Variants in HFM1 observed in about 807,000 individuals in gnomAD.
HFM1 encodes the protein helicase for meiosis 1, also known as probable ATP-dependent DNA helicase HFM1.
A neutral mutation model predicts 192.1 loss-of-function variants in HFM1; 169 were observed. That is an observed-to-expected ratio of 0.88 (90% confidence interval 0.78 to 1.00). The LOEUF is 1.00. Ranked by LOEUF, HFM1 falls within the 50% of genes least tolerant of loss-of-function variation. The pLI, the probability that HFM1 is intolerant of heterozygous loss-of-function variation, is 0.00. For synonymous variants in HFM1, 525 were observed against 537.8 expected (o/e 0.98, Z 0.33); for missense variants, 1,661 against 1,668.0 (o/e 1.00, Z 0.07).
At chr1:91,262,437 T>C in intron 37 of HFM1, 44 bp downstream of exon 37, 4 of 1,574,620 alleles carry the variant, frequency 2.5e-6, no homozygotes, top group Non-Finnish European at 3.5e-6. Flanking sequence ...GTTTAAGCAC[T>C]CGGGCAAAAT....
chr1:91,350,536 C>T (rs1183435643), intron 18 of HFM1, among the ~76,000 whole-genome samples: 1 of 151,826 alleles, frequency 6.6e-6, no homozygotes, highest in African/African-American at 2.4e-5. Flanking sequence ...TGATTTCAAA[C>T]CTTGTTGAAA....
chr1:91,270,534 G>A (rs1430808938), intron 34 of HFM1, among the ~76,000 whole-genome samples: 1 of 151,344 alleles, frequency 6.6e-6, no homozygotes, highest in Non-Finnish European at 1.5e-5. Context: ...ACACGGGCTT[G>A]GGTGATACTG....
At chr1:91,278,604 C>T (rs1441242838) in intron 30 of HFM1, among the ~76,000 whole-genome samples, 1 of 152,140 alleles carries the variant, frequency 6.6e-6, no homozygotes, top group Non-Finnish European at 1.5e-5. Context: ...TCTTCATTTT[C>T]GGTACCATTG....
At chr1:91,277,897 G>GC (rs1241428126) in intron 30 of HFM1, among the ~76,000 whole-genome samples, 556 of 37,696 alleles carry the variant, frequency 0.015, 16 homozygotes, top group Admixed American at 0.03. Context: ...TATTATATAT[G>GC]CTTATATATA....
In HFM1 at chr1:91,343,509, TTC is replaced by T. The variant is rs768273297; in HGVS notation, c.2255-1_2255del. 2.4e-6 allele frequency: 3 copies of T among 1,240,458 alleles called. No homozygotes were observed. Among genetic ancestry groups the T allele is most frequent in the African/African-American group, 3.0e-5 (2 of 65,654 alleles). 76.8% of individuals were successfully genotyped at this position (1,240,458 alleles called of 1,614,324 possible). The stretch of plus-strand genomic sequence containing the variant: ...AATCATTCAGATTCTTCAAACATAA[TTC>T]TGTTTAATTATAGAAAACACATTTT... On this transcript the variant is annotated splice_acceptor_variant and coding_sequence_variant, in exon 20 of 39. Transcript: ENST00000370425. LOFTEE classifies it high-confidence loss of function.
At chr1:91,317,105 C>A (rs185132901) in intron 25 of HFM1, among the ~76,000 whole-genome samples, 1 of 152,244 alleles carries the variant, frequency 6.6e-6, no homozygotes, top group East Asian at 1.9e-4. Context: ...CACTTGCTTT[C>A]ATTCTATTCC....
intron 28 of HFM1, among the ~76,000 whole-genome samples, chr1:91,314,432 T>C (rs948141648): frequency 1.3e-5 from 2 of 152,096 alleles, no homozygotes; most frequent in Non-Finnish European, 2.9e-5. Context: ...TTTATTTATT[T>C]ATTTTTGTAG....
rs1196008410 is a variant in HFM1 at position 91,378,110 on chromosome 1, G to C, written c.1310C>G (p.Ser437Cys). ...VVVSRMKTVQSVSQTLKNTST... is the reference protein window; with the variant it reads ...VVVSRMKTVQCVSQTLKNTST... ...GGTATTTTTTAAAGTCTGAGAAACA[G>C]ACTGTACAGTTTTCATTCTGCTAAC... Residue 437 changes from serine to cysteine, a missense_variant, in exon 11 of 39, where the codon TCT becomes TGT. By Grantham distance (112) the Ser-to-Cys change is moderately radical. Coordinates refer to ENST00000370425, the MANE Select transcript of HFM1 (RefSeq NM_001017975.6). The C allele has an allele frequency of 1.2e-6, 2 of 1,611,458 alleles. No homozygotes were observed. Among genetic ancestry groups the C allele is most frequent in the South Asian group, 2.2e-5 (2 of 90,908 alleles).
intron 8 of HFM1, 90 bp from the exon 9 acceptor site, chr1:91,379,304 T>C: frequency 1.1e-6 from 1 of 918,374 alleles, no homozygotes; most frequent in South Asian, 1.5e-5. Context: ...GCATAAAAAA[T>C]ACACATCTAC....
chr1:91,329,364 A>G, intron 20 of HFM1: 1 of 1,596,878 alleles, frequency 6.3e-7, no homozygotes, highest in African/African-American at 1.3e-5. Context: ...GAGGCTGAGT[A>G]AGAGTCATTA....
chr1:91,347,501 A>G (rs1274279236), intron 18 of HFM1, 25 bp from the exon 19 acceptor site: 1 of 1,542,672 alleles, frequency 6.5e-7, no homozygotes, highest in Admixed American at 1.8e-5. Context: ...AAAGTAAAAT[A>G]GAATTTAGCT....
intron 30 of HFM1, 124 bp downstream of exon 30, chr1:91,313,225 A>G: frequency 1.9e-6 from 1 of 540,204 alleles, no homozygotes; most frequent in South Asian, 4.2e-5. Context: ...TGAAATTACT[A>G]TGAAGCTTAA....
At chr1:91,373,352 C>T (rs1307257844) in intron 13 of HFM1, among the ~76,000 whole-genome samples, 1 of 152,028 alleles carries the variant, frequency 6.6e-6, no homozygotes, top group African/African-American at 2.4e-5. Flanking sequence ...TCCACATGTC[C>T]AATTTTAGTC....
At chr1:91,377,895 C>T in intron 11 of HFM1, 130 bp downstream of exon 11, 5 of 838,552 alleles carry the variant, frequency 6.0e-6, no homozygotes, top group Non-Finnish European at 9.7e-6. Flanking sequence ...GAGATCTAGC[C>T]ACAACTTTCT....
chr1:91,394,466 A>G (rs1046982560), intron 3 of HFM1, 64 bp from the exon 4 acceptor site: 56 of 984,168 alleles, frequency 5.7e-5, no homozygotes, highest in African/African-American at 4.9e-4. Flanking sequence ...CAAAATGATG[A>G]TGAAAAACTT....
At chr1:91,335,037 T>C (rs904986643) in intron 20 of HFM1, among the ~76,000 whole-genome samples, 2 of 152,122 alleles carry the variant, frequency 1.3e-5, no homozygotes, top group Non-Finnish European at 2.9e-5. Context: ...GAAAGTAGCA[T>C]CCTGCTTCTC....
In HFM1 at chr1:91,380,301, T is replaced by TA. The variant is rs545103199; in HGVS notation, c.874-66dup. 702 of 1,019,336 alleles carry TA rather than the reference T, an allele frequency of 6.9e-4. 1 individual carries two copies. Among genetic ancestry groups the TA allele is most frequent in the African/African-American group, 4.7e-3 (283 of 59,704 alleles). 63.1% of individuals were successfully genotyped at this position (1,019,336 alleles called of 1,614,324 possible). On this transcript the variant is annotated intron_variant, in intron 7 of 38. Coordinates refer to ENST00000370425, the MANE Select transcript of HFM1 (RefSeq NM_001017975.6). ...TTTTTCACACACATTCTCAATTTGT[T>TA]AAAAAAAAAGTCTTAGTAAGAATCT... is the stretch of plus-strand genomic sequence containing the variant.
chr1:91,364,178 C>G (rs1310909785), intron 13 of HFM1, among the ~76,000 whole-genome samples: 1 of 151,186 alleles, frequency 6.6e-6, no homozygotes, highest in Non-Finnish European at 1.5e-5. Flanking sequence ...TACCCTTAAA[C>G]TTAAAAGTGG....
intron 30 of HFM1, among the ~76,000 whole-genome samples, chr1:91,298,523 A>G (rs1334716779): frequency 6.6e-6 from 1 of 152,238 alleles, no homozygotes; most frequent in African/African-American, 2.4e-5. Context: ...AAAAATGTTA[A>G]GAGCAGCCAG....
Sources: gnomAD v4.1 joint callset for allele counts (sites outside exome capture counted in the v4.1 genomes callset) on GRCh38, gnomAD v4.1.1 for gene constraint, MANE v1.5 for transcripts, NCBI Gene and HGNC (gene_info 2026-07-23, HGNC 2026-07-21) for gene names.